ACYP2: variants seen among roughly 807,000 people sequenced by gnomAD.
ACYP2 encodes acylphosphatase-2.
In ACYP2, 12 loss-of-function variants were observed where a neutral mutation model predicts 11.2. The ratio of observed to expected loss-of-function variants is 1.08; its 90% CI spans 0.69 to 1.74. The LOEUF is 1.74. Ranked by LOEUF, ACYP2 falls within the 40% of genes most tolerant of loss-of-function variation. The probability of loss-of-function intolerance (pLI) is 0.00; values close to 1 mark genes in which losing one functional copy is unlikely to be tolerated. For synonymous variants in ACYP2, 43 were observed against 32.2 expected (o/e 1.33, Z -1.13); for missense variants, 134 against 101.9 (o/e 1.31, Z -1.35).
intron 6 of ACYP2, among the ~76,000 whole-genome samples, chr2:54,215,224 T>C (rs1685509826): frequency 6.6e-6 from 1 of 152,182 alleles, no homozygotes; most frequent in Admixed American, 6.5e-5. Flanking sequence ...CTCCTCCTGT[T>C]TGGAATCCTT....
intron 6 of ACYP2, among the ~76,000 whole-genome samples, chr2:54,234,885 TC>T (rs1343227568): frequency 6.6e-6 from 1 of 152,202 alleles, no homozygotes; most frequent in Non-Finnish European, 1.5e-5. Context: ...TGTTCTTGTT[TC>T]AATTTTAGCA....
At chr2:54,264,287 A>G (rs1485034259) in intron 6 of ACYP2, among the ~76,000 whole-genome samples, 1 of 152,146 alleles carries the variant, frequency 6.6e-6, no homozygotes, top group Non-Finnish European at 1.5e-5. Context: ...TGAAGAGTGA[A>G]AGAACAAAGC....
At chr2:54,108,079 A>T (rs562892876) in intron 4 of ACYP2, among the ~76,000 whole-genome samples, 1 of 152,312 alleles carries the variant, frequency 6.6e-6, no homozygotes, top group African/African-American at 2.4e-5. Flanking sequence ...GGTGCCCCAC[A>T]AGCCAGTGAA....
chr2:54,118,164 T>G (rs1260630658), intron 4 of ACYP2, among the ~76,000 whole-genome samples: 1 of 152,222 alleles, frequency 6.6e-6, no homozygotes, highest in Non-Finnish European at 1.5e-5. Context: ...GATCTGGAAA[T>G]TGATTCCCTG....
In ACYP2 at chr2:54,152,015, T is replaced by C. The variant is rs533715791; in HGVS notation, c.404+13267T>C. Among the ~76,000 whole-genome samples the C allele has an allele frequency of 2.6e-5, 4 of 152,118 alleles. No homozygotes were observed. The South Asian group carries it at 8.3e-4, about 32-fold the overall frequency. On this transcript the variant is annotated intron_variant, in intron 6 of 6. Coordinates refer to ENST00000607452, the MANE Select transcript of ACYP2 (RefSeq NM_001320586.2). The stretch of plus-strand genomic sequence containing the variant: ...TCCCTAGGTCCCTCAGTTTCCCCCA[T>C]TATTAACATCTTGCATTATGTAGTA...
Position 53,999,914 on chromosome 2 carries a change from A to G in ACYP2, c.62+26104A>G, listed in dbSNP as rs181102381. On this transcript the variant is annotated intron_variant, in intron 2 of 6. Coordinates refer to ENST00000607452, the MANE Select transcript of ACYP2 (RefSeq NM_001320586.2). ...GCAGTTAGTGTCTGAAGTCAAATCCACTTGCCCTTGAGATTTAAACTTCAA... is the reference window on the plus strand; with the variant it reads ...GCAGTTAGTGTCTGAAGTCAAATCCGCTTGCCCTTGAGATTTAAACTTCAA... 2.9e-3 allele frequency among the ~76,000 whole-genome samples: 446 copies of G among 152,266 alleles called. 2 individuals are homozygous for G. The highest frequency in any genetic ancestry group is 0.024 in the Middle Eastern group (7 of 294).
At chr2:54,039,217 GTTTTTTT>G (rs546709588) in intron 2 of ACYP2, among the ~76,000 whole-genome samples, 1 of 126,118 alleles carries the variant, frequency 7.9e-6, no homozygotes, top group Admixed American at 8.1e-5. Context: ...ATCTTTGGAA[GTTTTTTT>G]TTTTTTTTTT....
intron 6 of ACYP2, chr2:54,256,375 A>G: frequency 1.8e-6 from 1 of 557,450 alleles, no homozygotes; most frequent in Non-Finnish European, 3.2e-6. Context: ...CTGGATGAGT[A>G]ATGATATTAC....
chr2:54,090,455 C>A (rs1678165702), intron 4 of ACYP2, among the ~76,000 whole-genome samples: 2 of 152,128 alleles, frequency 1.3e-5, no homozygotes, highest in African/African-American at 4.8e-5. Context: ...GTTGTGAACC[C>A]CCGTTTCTAC....
chr2:54,252,760 C>T (rs1193423919), intron 6 of ACYP2, among the ~76,000 whole-genome samples: 12 of 151,978 alleles, frequency 7.9e-5, no homozygotes, highest in East Asian at 1.9e-4. Flanking sequence ...AAAAATTAGC[C>T]GGGCGTGGTT....
intron 6 of ACYP2, among the ~76,000 whole-genome samples, chr2:54,164,157 AGAG>A (rs1017216468): frequency 2.6e-5 from 4 of 152,176 alleles, no homozygotes; most frequent in African/African-American, 9.6e-5. Flanking sequence ...TTAGACATTC[AGAG>A]GAGAGGGAAG....
intron 6 of ACYP2, among the ~76,000 whole-genome samples, chr2:54,196,173 G>C (rs1400745365): frequency 6.6e-6 from 1 of 152,046 alleles, no homozygotes; most frequent in Admixed American, 6.6e-5. Context: ...TGGGCATCTA[G>C]AACTTCTGCC....
chr2:54,190,525 C>G (rs1306284610), intron 6 of ACYP2, among the ~76,000 whole-genome samples: 1 of 152,048 alleles, frequency 6.6e-6, no homozygotes, highest in Non-Finnish European at 1.5e-5. Context: ...ACTTTTACCT[C>G]TCAGCAACAT....
intron 2 of ACYP2, among the ~76,000 whole-genome samples, chr2:54,027,837 C>CTTTCTTTTTT (rs772573473): frequency 2.3e-4 from 23 of 97,896 alleles, no homozygotes; most frequent in African/African-American, 9.6e-4. Flanking sequence ...TTCTTTCTTT[C>CTTTCTTTTTT]TTTTTTTTTT....
chr2:54,265,634 G>A (rs1336946694), intron 6 of ACYP2, among the ~76,000 whole-genome samples: 1 of 152,190 alleles, frequency 6.6e-6, no homozygotes, highest in Non-Finnish European at 1.5e-5. Context: ...TTCTTCCTCT[G>A]CTTCACAGAT....
intron 4 of ACYP2, among the ~76,000 whole-genome samples, chr2:54,119,601 G>A (rs1304869282): frequency 4.6e-5 from 7 of 152,170 alleles, no homozygotes; most frequent in African/African-American, 1.7e-4. Flanking sequence ...TGGAAAAAAT[G>A]GAAAATGTTT....
At chr2:54,111,014 G>A (rs1572775388) in intron 4 of ACYP2, among the ~76,000 whole-genome samples, 1 of 152,226 alleles carries the variant, frequency 6.6e-6, no homozygotes, top group South Asian at 2.1e-4. Context: ...GGGAGGGAGG[G>A]ATGTGGTCCT....
chr2:54,067,760 A>T (rs998970229), intron 4 of ACYP2, among the ~76,000 whole-genome samples: 1 of 152,236 alleles, frequency 6.6e-6, no homozygotes, highest in Non-Finnish European at 1.5e-5. Context: ...TCCAAAGACT[A>T]GCAAACCTGT....
At chr2:54,274,414 G>T (rs1688452661) in intron 6 of ACYP2, among the ~76,000 whole-genome samples, 4 of 152,004 alleles carry the variant, frequency 2.6e-5, no homozygotes, top group Admixed American at 2.6e-4. Flanking sequence ...GCTGAGGTGG[G>T]AGGATTGCTT....
Sources: gnomAD v4.1 joint callset for allele counts (sites outside exome capture counted in the v4.1 genomes callset) on GRCh38, gnomAD v4.1.1 for gene constraint, MANE v1.5 for transcripts, NCBI Gene and HGNC (gene_info 2026-07-23, HGNC 2026-07-21) for gene names.